GABRG1: variants seen among roughly 807,000 people sequenced by gnomAD.
GABRG1 encodes gamma-aminobutyric acid type A receptor subunit gamma1.
Under a neutral mutation model 49.8 loss-of-function variants are expected in GABRG1, and 49 were observed. The ratio of observed to expected loss-of-function variants is 0.98; its 90% CI spans 0.78 to 1.25. GABRG1 has a LOEUF of 1.25. GABRG1 is among the 50% of genes most tolerant of loss of function. The pLI is 0.00. For synonymous variants in GABRG1, 232 were observed against 185.1 expected (o/e 1.25, Z -2.06); for missense variants, 552 against 552.3 (o/e 1.00, Z 0.01).
At position 46,039,546 on chromosome 4, in the gene GABRG1, T is replaced by A. The variant is rs1281308728; in HGVS notation, c.*1442A>T. 1 of 151,664 alleles carries A rather than the reference T, an allele frequency of 6.6e-6. No homozygotes were observed. The highest frequency in any genetic ancestry group is 1.5e-5 in the Non-Finnish European group (1 of 67,752). 9.4% of individuals were successfully genotyped at this position (151,664 alleles called of 1,614,324 possible). A position where few individuals can be genotyped will look rare whatever the true frequency, so the allele number is the denominator to read the frequency against. On this transcript the variant is annotated 3_prime_UTR_variant, in exon 9 of 9. Coordinates refer to ENST00000295452, the MANE Select transcript of GABRG1 (RefSeq NM_173536.4). ...TAGGCTGTGATCATAAAACTCTTCA[T>A]CATGGTCATTGGTCTTGGCAACAGA...
intron 2 of GABRG1, among the ~76,000 whole-genome samples, chr4:46,087,173 A>G (rs542387658): frequency 1.3e-5 from 2 of 151,682 alleles, no homozygotes; most frequent in East Asian, 3.9e-4. Flanking sequence ...ATTTTTTTTA[A>G]AGAATTTGTG....
At position 46,119,625 on chromosome 4, in the gene GABRG1, T is replaced by C. The variant is rs542981844; in HGVS notation, c.104+4185A>G. On this transcript the variant is annotated intron_variant, in intron 1 of 8. Transcript: ENST00000295452. ...CATTTTCCCCATAGTCTTCTGGTATTGCTGATGAGAAATCTCTTGGCTCTT... is the reference window on the plus strand; with the variant it reads ...CATTTTCCCCATAGTCTTCTGGTATCGCTGATGAGAAATCTCTTGGCTCTT... Among the ~76,000 whole-genome samples the C allele has an allele frequency of 1.1e-3, 162 of 151,682 alleles. 3 individuals carry two copies. In the South Asian group the frequency reaches 0.033, roughly 31 times the overall value.
rs1176858226 is a variant in GABRG1, at chr4:46,083,978, T to A, written c.321+8A>T. On this transcript the variant is annotated splice_region_variant and intron_variant, in intron 3 of 8. Transcript: ENST00000295452. The stretch of plus-strand genomic sequence containing the variant: ...TGGCAGTTATTATTTTTAATATTTC[T>A]TACTTACCATATTAATTGGATCAAC... The A allele has an allele frequency of 2.1e-6, 3 of 1,456,958 alleles. No homozygotes were observed. The African/African-American group carries it at 4.2e-5, about 21-fold the overall frequency. The allele number at this position is 1,456,958 out of a possible 1,614,324, so 90.3% of individuals were successfully genotyped here. A position where few individuals can be genotyped will look rare whatever the true frequency, so the allele number is the denominator to read the frequency against.
At chr4:46,056,547 C>G (rs1560351564) in intron 7 of GABRG1, among the ~76,000 whole-genome samples, 1 of 152,254 alleles carries the variant, frequency 6.6e-6, no homozygotes, top group Admixed American at 6.6e-5. Context: ...ATTTTGCTAT[C>G]TCTTCACAGC....
At position 46,097,199 on chromosome 4, in the gene GABRG1, ACCTCCTATATCT is replaced by A. The variant is rs1467798185; in HGVS notation, c.243_253+1del. On this transcript the variant is annotated splice_donor_variant and coding_sequence_variant, in exon 2 of 9. Transcript: ENST00000295452. LOFTEE classifies it high-confidence loss of function. ...AATCCCAGAATGGTAACTCAAGCTT[ACCTCCTATATCT>A]GGACGAAGTTTATTGTCATAGCCTT... The A allele has an allele frequency of 6.3e-7, 1 of 1,599,182 alleles. No homozygotes were observed. The highest frequency in any genetic ancestry group is 1.7e-5 in the Admixed American group (1 of 57,396).
intron 2 of GABRG1, among the ~76,000 whole-genome samples, chr4:46,095,165 C>A (rs1367942139): frequency 1.3e-5 from 2 of 151,526 alleles, no homozygotes; most frequent in African/African-American, 4.8e-5. Context: ...CAACTAAAAA[C>A]AGTTTAATAA....
intron 3 of GABRG1, among the ~76,000 whole-genome samples, chr4:46,067,324 T>C (rs1718954336): frequency 6.6e-6 from 1 of 152,130 alleles, no homozygotes; most frequent in Non-Finnish European, 1.5e-5. Context: ...ATAATAATTA[T>C]TTAAAATCCA....
chr4:46,086,365 T>C (rs1412852002), intron 2 of GABRG1, among the ~76,000 whole-genome samples: 5 of 151,670 alleles, frequency 3.3e-5, no homozygotes, highest in Admixed American at 6.6e-5. Context: ...AGGTGGGTAA[T>C]TGGTATATCA....
intron 2 of GABRG1, among the ~76,000 whole-genome samples, chr4:46,095,520 A>T (rs1284652210): frequency 6.6e-6 from 1 of 151,684 alleles, no homozygotes; most frequent in Admixed American, 6.6e-5. Context: ...AAAAATCCTA[A>T]AGGCTTCCAG....
At chr4:46,109,044 G>T (rs75820552) in intron 1 of GABRG1, among the ~76,000 whole-genome samples, 1 of 150,828 alleles carries the variant, frequency 6.6e-6, no homozygotes, top group Admixed American at 6.6e-5. Context: ...ATATCTCTTA[G>T]GATAAACAGT....
In GABRG1 at chr4:46,123,643, T is replaced by A. The variant is rs1425345112; in HGVS notation, c.104+167A>T. ...TCAGAAATATGTTACTTTCCTTCTA[T>A]CTGAGAATGAATAGATCTAATCAGA... On this transcript the variant is annotated intron_variant, in intron 1 of 8. Coordinates refer to ENST00000295452, the MANE Select transcript of GABRG1 (RefSeq NM_173536.4). 2.0e-5 allele frequency among the ~76,000 whole-genome samples: 3 copies of A among 151,972 alleles called. No individual in the cohort carries two copies. The South Asian group carries it at 6.2e-4, about 32-fold the overall frequency.
At chr4:46,076,541 A>G (rs1203575957) in intron 3 of GABRG1, among the ~76,000 whole-genome samples, 1 of 151,528 alleles carries the variant, frequency 6.6e-6, no homozygotes, top group African/African-American at 2.4e-5. Context: ...TGAATCAGCT[A>G]TAACATCTGA....
chr4:46,058,933 C>T (rs4695143), intron 5 of GABRG1, among the ~76,000 whole-genome samples: 76,808 of 151,826 alleles, frequency 0.51, 20,006 homozygotes, highest in African/African-American at 0.63. Flanking sequence ...CTAATTTCTG[C>T]GATGATCTTT....
At chr4:46,105,037 G>T (rs949656824) in intron 1 of GABRG1, among the ~76,000 whole-genome samples, 2 of 151,426 alleles carry the variant, frequency 1.3e-5, no homozygotes, top group East Asian at 2.0e-4. Context: ...GGTAAAGTGG[G>T]CACGCTATCC....
In GABRG1 at chr4:46,091,251, C is replaced by T. The variant is rs757595296; in HGVS notation, c.253+5950G>A. ...TAAAAGCTTTACCAAGGAAATTACG[C>T]TAGTTCTGACCAAATGACAGTGATT... On this transcript the variant is annotated intron_variant, in intron 2 of 8. Coordinates refer to ENST00000295452, the MANE Select transcript of GABRG1 (RefSeq NM_173536.4). Among the ~76,000 whole-genome samples, 12 of 151,986 alleles carry T rather than the reference C, an allele frequency of 7.9e-5. 1 individual carries two copies. The highest frequency in any genetic ancestry group is 1.6e-4 in the Non-Finnish European group (11 of 67,984).
intron 2 of GABRG1, among the ~76,000 whole-genome samples, chr4:46,094,169 C>A (rs1054552992): frequency 6.7e-6 from 1 of 149,500 alleles, no homozygotes; most frequent in African/African-American, 2.5e-5. Context: ...CCCAATATTT[C>A]CTTCAAAAAT....
intron 1 of GABRG1, among the ~76,000 whole-genome samples, chr4:46,097,770 G>A (rs1341822202): frequency 6.6e-6 from 1 of 151,538 alleles, no homozygotes; most frequent in Non-Finnish European, 1.5e-5. Flanking sequence ...AATTAGTCTG[G>A]TAAAATGTAC....
Position 46,065,463 on chromosome 4 carries a change from G to T in GABRG1, c.443C>A (p.Thr148Asn). Residue 148 changes from threonine (T) to asparagine (N), a missense_variant, in exon 4 of 9, where the codon ACT becomes AAT. Thr to Asn is a moderately conservative substitution (Grantham distance 65, BLOSUM62 0). Coordinates refer to ENST00000295452, the MANE Select transcript of GABRG1 (RefSeq NM_173536.4). ...NMVGKIWIPD[T>N]FFRNSRKSDA... ...AGATTTTCTTGAGTTTCTGAAGAAA[G>T]TGTCAGGAATCCAAATTTTTCCAAC... The T allele has an allele frequency of 6.2e-7, 1 of 1,612,516 alleles. No homozygotes were observed. The highest frequency in any genetic ancestry group is 8.5e-7 in the Non-Finnish European group (1 of 1,178,824).
chr4:46,065,056 C>A (rs539398676), intron 4 of GABRG1, among the ~76,000 whole-genome samples: 1 of 152,054 alleles, frequency 6.6e-6, no homozygotes, highest in African/African-American at 2.4e-5. Flanking sequence ...GGGTGGGTTT[C>A]TAGAGGAAAT....
Sources: allele counts gnomAD v4.1 joint callset (sites outside exome capture counted in the v4.1 genomes callset), GRCh38; gene constraint gnomAD v4.1.1; transcripts MANE v1.5; gene names NCBI Gene and HGNC (gene_info 2026-07-23, HGNC 2026-07-21).